NDUFS1: variants seen among roughly 807,000 people sequenced by gnomAD.
NDUFS1 encodes the protein NADH-ubiquinone oxidoreductase 75 kDa subunit, mitochondrial.
Under a neutral mutation model 84.4 loss-of-function variants are expected in NDUFS1, and 61 were observed. The observed-to-expected ratio is 0.72, with a 90% CI of 0.59 to 0.89. The LOEUF (loss-of-function observed/expected upper bound fraction) is 0.89, where lower values mean the gene tolerates loss of function less well. Ranked by LOEUF, NDUFS1 falls within the 40% of genes least tolerant of loss-of-function variation. The pLI is 0.00. For synonymous variants in NDUFS1, 275 were observed against 290.0 expected (o/e 0.95, Z 0.53); for missense variants, 891 against 890.0 (o/e 1.00, Z -0.01).
intron 1 of NDUFS1, among the ~76,000 whole-genome samples, chr2:206,154,059 C>T (rs991040952): frequency 1.3e-5 from 2 of 152,198 alleles, no homozygotes; most frequent in African/African-American, 4.8e-5. Context: ...GTCTTTTCTG[C>T]TTTTATTTCC....
chr2:206,144,249 T>A lies in NDUFS1; in HGVS notation c.873-117A>T, dbSNP rs1692075366. The A allele has an allele frequency of 8.0e-6, 6 of 748,764 alleles. No individual in the cohort carries two copies. In the Admixed American group the frequency reaches 1.3e-4, roughly 16 times the overall value. The allele number at this position is 748,764 out of a possible 1,614,324, so 46.4% of individuals were successfully genotyped here. On this transcript the variant is annotated intron_variant, in intron 9 of 18. Transcript: ENST00000233190. ...AGTACTGGTTAAAGTGTCAAATATCTAAACACCTAGATACAAGTAATTATT... is the reference window on the plus strand; with the variant it reads ...AGTACTGGTTAAAGTGTCAAATATCAAAACACCTAGATACAAGTAATTATT...
chr2:206,154,416 G>A (rs756490861), intron 1 of NDUFS1, among the ~76,000 whole-genome samples: 9 of 152,088 alleles, frequency 5.9e-5, no homozygotes, highest in Non-Finnish European at 1.0e-4. Context: ...ACATCTAGTG[G>A]GTAGAGGACA....
chr2:206,150,492 A>G (rs987593824), intron 3 of NDUFS1, among the ~76,000 whole-genome samples: 1 of 152,158 alleles, frequency 6.6e-6, no homozygotes, highest in Non-Finnish European at 1.5e-5. Context: ...ACATGTTCAA[A>G]TTTCCTCTAG....
intron 2 of NDUFS1, among the ~76,000 whole-genome samples, chr2:206,152,893 A>G (rs1256829855): frequency 6.6e-6 from 1 of 151,840 alleles, no homozygotes; most frequent in African/African-American, 2.4e-5. Flanking sequence ...TAGTAGAGAC[A>G]GGGTTTCGCC....
At chr2:206,133,627 G>A (rs1374603547) in intron 13 of NDUFS1, among the ~76,000 whole-genome samples, 1 of 152,134 alleles carries the variant, frequency 6.6e-6, no homozygotes, top group Non-Finnish European at 1.5e-5. Flanking sequence ...AAAACTAGGA[G>A]AATGCATCCC....
chr2:206,154,796 T>C (rs376282030), intron 1 of NDUFS1, among the ~76,000 whole-genome samples: 3 of 151,846 alleles, frequency 2.0e-5, no homozygotes, highest in East Asian at 3.9e-4. Flanking sequence ...ACTAATTTTT[T>C]GTATCTTTAG....
At chr2:206,137,972 A>G (rs1691784039) in intron 13 of NDUFS1, among the ~76,000 whole-genome samples, 1 of 152,168 alleles carries the variant, frequency 6.6e-6, no homozygotes, top group Non-Finnish European at 1.5e-5. Flanking sequence ...CTATTCATCC[A>G]TCTTGCTTTG....
In NDUFS1 at chr2:206,117,224, T is replaced by C. The variant is rs1690970650; in HGVS notation, c.*6961A>G. 6.6e-6 allele frequency: 1 copy of C among 152,162 alleles called. No individual in the cohort carries two copies. The highest frequency in any genetic ancestry group is 6.6e-5 in the Admixed American group (1 of 15,264). 9.4% of individuals were successfully genotyped at this position (152,162 alleles called of 1,614,324 possible). On this transcript the variant is annotated 3_prime_UTR_variant, in exon 19 of 19. Coordinates refer to ENST00000233190, the MANE Select transcript of NDUFS1 (RefSeq NM_005006.7). ...AATCAACCCATCACCCAGTCTGTGATATTCTGTTTTAACAGCAGAAACAAA... is the reference window on the plus strand; with the variant it reads ...AATCAACCCATCACCCAGTCTGTGACATTCTGTTTTAACAGCAGAAACAAA...
At chr2:206,133,517 T>C (rs1439712516) in intron 13 of NDUFS1, among the ~76,000 whole-genome samples, 1 of 152,122 alleles carries the variant, frequency 6.6e-6, no homozygotes, top group Admixed American at 6.6e-5. Flanking sequence ...ATGCCACAGA[T>C]AGGGAGGAGG....
rs910615760 is a variant in NDUFS1 at position 206,120,896 on chromosome 2, G to A, written c.*3289C>T. The stretch of plus-strand genomic sequence containing the variant: ...GTGCCTCAGCCTCCCAAGTAGCTGG[G>A]GCTATAGCTTGTGCCATCATGCTCA... On this transcript the variant is annotated 3_prime_UTR_variant, in exon 19 of 19. Transcript: ENST00000233190. 6.6e-6 allele frequency: 1 copy of A among 152,156 alleles called. No homozygotes were observed. The highest frequency in any genetic ancestry group is 6.6e-5 in the Admixed American group (1 of 15,266). 9.4% of individuals were successfully genotyped at this position (152,156 alleles called of 1,614,324 possible).
At chr2:206,128,713 T>A (rs7558619) in intron 15 of NDUFS1, among the ~76,000 whole-genome samples, 78,925 of 149,694 alleles carry the variant, frequency 0.53, 22,184 homozygotes, top group African/African-American at 0.73. Context: ...CCCGTGAGGC[T>A]GGGGCTGCAG....
intron 14 of NDUFS1, among the ~76,000 whole-genome samples, chr2:206,131,018 C>T (rs545920631): frequency 4.5e-4 from 68 of 152,194 alleles, no homozygotes; most frequent in African/African-American, 1.6e-3. Context: ...ATATATATTA[C>T]TCTTATAAGC....
At chr2:206,157,952 T>C (rs1320349291) in intron 1 of NDUFS1, among the ~76,000 whole-genome samples, 1 of 140,786 alleles carries the variant, frequency 7.1e-6, no homozygotes, top group Non-Finnish European at 1.5e-5. Flanking sequence ...TTGCCTGGAG[T>C]ATTTCAATAG....
At chr2:206,125,050 T>G (rs1265977346) in intron 18 of NDUFS1, among the ~76,000 whole-genome samples, 2 of 151,202 alleles carry the variant, frequency 1.3e-5, no homozygotes, top group Non-Finnish European at 2.9e-5. Flanking sequence ...CTGACTATGT[T>G]GCCCAGGCTG....
rs1168373370 is a variant in NDUFS1 at position 206,116,429 on chromosome 2, C to CCTCGATAG, written c.*7755_*7756insCTATCGAG. The CCTCGATAG allele has an allele frequency of 3.7e-6, 3 of 819,070 alleles. No individual in the cohort carries two copies. The East Asian group carries it at 8.0e-5, about 22-fold the overall frequency. The allele number at this position is 819,070 out of a possible 1,614,324, so 50.7% of individuals were successfully genotyped here. A position where few individuals can be genotyped will look rare whatever the true frequency, so the allele number is the denominator to read the frequency against. On this transcript the variant is annotated 3_prime_UTR_variant, in exon 19 of 19. Transcript: ENST00000233190. ...GCTGCCAGGGCCTCGATAGGCAGGGCGCGGCAGGTGCCAGGACCACGTGCA... is the reference window on the plus strand; with the variant it reads ...GCTGCCAGGGCCTCGATAGGCAGGGCCTCGATAGGCGGCAGGTGCCAGGACCACGTGCA...
chr2:206,128,759 T>G (rs1196492333), intron 15 of NDUFS1, among the ~76,000 whole-genome samples: 1 of 151,478 alleles, frequency 6.6e-6, no homozygotes, highest in Non-Finnish European at 1.5e-5. Flanking sequence ...CCAGCCTGGG[T>G]GACAGAGTGA....
At chr2:206,133,368 C>T (rs1269141857) in intron 13 of NDUFS1, among the ~76,000 whole-genome samples, 1 of 152,172 alleles carries the variant, frequency 6.6e-6, no homozygotes, top group Non-Finnish European at 1.5e-5. Context: ...AAAAGCCTAG[C>T]AAATTATCCT....
At chr2:206,156,953 C>T (rs1275018094) in intron 1 of NDUFS1, among the ~76,000 whole-genome samples, 1 of 152,180 alleles carries the variant, frequency 6.6e-6, no homozygotes, top group Admixed American at 6.5e-5. Context: ...TGGCCACTGA[C>T]AATCAGTATG....
At chr2:206,137,579 A>T (rs1447329648) in intron 13 of NDUFS1, among the ~76,000 whole-genome samples, 1 of 151,962 alleles carries the variant, frequency 6.6e-6, no homozygotes, top group Non-Finnish European at 1.5e-5. Flanking sequence ...TATAAAGCTC[A>T]GAAAGGGGGG....
Sources: allele counts gnomAD v4.1 joint callset (sites outside exome capture counted in the v4.1 genomes callset), GRCh38; gene constraint gnomAD v4.1.1; transcripts MANE v1.5; gene names NCBI Gene and HGNC (gene_info 2026-07-23, HGNC 2026-07-21).